Variants in ORC3 observed in about 807,000 individuals in gnomAD.
ORC3 encodes origin recognition complex subunit 3.
ORC3 carries 78 observed loss-of-function variants against 100.7 expected under a neutral mutation model. The observed-to-expected ratio is 0.77, with a 90% CI of 0.65 to 0.94. The LOEUF (loss-of-function observed/expected upper bound fraction) is 0.94, where lower values mean the gene tolerates loss of function less well. Ranked by LOEUF, ORC3 falls within the 40% of genes least tolerant of loss-of-function variation. The pLI, the probability that ORC3 is intolerant of heterozygous loss-of-function variation, is 0.00. For synonymous variants in ORC3, 295 were observed against 289.3 expected, an observed-to-expected ratio of 1.02 and a Z score of -0.20; for missense variants, 789 against 823.9, an observed-to-expected ratio of 0.96 and a Z score of 0.52.
chr6:87,659,342 G>A (rs1168306790), intron 16 of ORC3, among the ~76,000 whole-genome samples: 3 of 151,876 alleles, frequency 2.0e-5, no homozygotes, highest in Admixed American at 6.6e-5. Context: ...GATTACAGGC[G>A]TGAGCCACCG....
Position 87,656,964 on chromosome 6 carries a change from C to T in ORC3, c.1575C>T (p.Asp525=). ...AGCCAAAGGGGCTTCAGAAGACAGA[C>T]CTCTATCATCTTCAGAAGGTCAGGT... is the stretch of plus-strand genomic sequence containing the variant. ...GSQPKGLQKT[D]LYHLQKSLLE... is the part of the protein sequence containing the mutation. Residue 525 remains aspartate (D), a synonymous_variant, in exon 15 of 20, where the codon GAC becomes GAT. Coordinates refer to ENST00000392844, the MANE Select transcript of ORC3 (RefSeq NM_012381.4). The T allele has an allele frequency of 6.2e-7, 1 of 1,609,520 alleles. No homozygotes were observed. Among genetic ancestry groups the T allele is most frequent in the Non-Finnish European group, 8.5e-7 (1 of 1,175,892 alleles).
intron 2 of ORC3, among the ~76,000 whole-genome samples, chr6:87,596,997 G>A (rs888199753): frequency 3.3e-5 from 5 of 152,148 alleles, no homozygotes; most frequent in Non-Finnish European, 7.4e-5. Context: ...ATACAATCTA[G>A]TGACCTTATT....
chr6:87,635,604 C>G (rs1767755209), intron 12 of ORC3, among the ~76,000 whole-genome samples: 1 of 152,122 alleles, frequency 6.6e-6, no homozygotes, highest in Non-Finnish European at 1.5e-5. Flanking sequence ...CGAGAACAGC[C>G]TGGCCAACAT....
At chr6:87,670,222 G>C (rs1770804982), downstream of ORC3, among the ~76,000 whole-genome samples, 1 of 152,112 alleles carries the variant, frequency 6.6e-6, no homozygotes, top group African/African-American at 2.4e-5. Flanking sequence ...CCAGAGTGCA[G>C]TGACACGATT....
chr6:87,669,041 C>T (rs1770776243), downstream of ORC3, among the ~76,000 whole-genome samples: 1 of 152,148 alleles, frequency 6.6e-6, no homozygotes, highest in African/African-American at 2.4e-5. Context: ...CCTGTAATCC[C>T]AGCTACATGG....
intron 19 of ORC3, among the ~76,000 whole-genome samples, chr6:87,666,334 G>A (rs976590131): frequency 4.0e-5 from 6 of 151,318 alleles, no homozygotes; most frequent in African/African-American, 1.5e-4. Flanking sequence ...GTTTCACCAT[G>A]TTGGCCAGGC....
rs1779523519 is a variant in ORC3 at position 87,621,433 on chromosome 6, A to G, written c.1067A>G (p.Asn356Ser). ...CNLPEAKRRINFLSNNQCENI... is the reference protein window; with the variant it reads ...CNLPEAKRRISFLSNNQCENI... The stretch of plus-strand genomic sequence containing the variant: ...CTTCCAGAAGCCAAAAGAAGAATAA[A>G]TTTTTTATCAAATAATCAATGTGAA... Residue 356 changes from asparagine (N) to serine (S), a missense_variant, in exon 10 of 20, where the codon AAT becomes AGT. Asn to Ser is a conservative substitution (Grantham distance 46, BLOSUM62 1). Coordinates refer to ENST00000392844, the MANE Select transcript of ORC3 (RefSeq NM_012381.4). 6.2e-7 allele frequency: 1 copy of G among 1,602,928 alleles called. No individual in the cohort carries two copies. Among genetic ancestry groups the G allele is most frequent in the Non-Finnish European group, 8.5e-7 (1 of 1,175,228 alleles).
chr6:87,663,861 A>G, intron 17 of ORC3, among the ~76,000 whole-genome samples: 1 of 152,246 alleles, frequency 6.6e-6, no homozygotes, highest in East Asian at 1.9e-4. Flanking sequence ...TCTTGCCACA[A>G]TAAATACTTA....
chr6:87,676,596 A>AACACACGCACGCGCGCACAC, the ORC3 span, among the ~76,000 whole-genome samples: 226 of 142,144 alleles, frequency 1.6e-3, no homozygotes, highest in African/African-American at 5.8e-3. Context: ...CTCTACTAAA[A>AACACACGCACGCGCGCACAC]ACACACACAC....
intron 13 of ORC3, among the ~76,000 whole-genome samples, chr6:87,649,422 A>G (rs1769064519): frequency 6.6e-6 from 1 of 152,230 alleles, no homozygotes; most frequent in African/African-American, 2.4e-5. Flanking sequence ...TAGAACAATT[A>G]TTCCAGATAC....
intron 13 of ORC3, among the ~76,000 whole-genome samples, chr6:87,648,452 TGTG>T (rs1768977565): frequency 1.3e-5 from 2 of 152,226 alleles, no homozygotes; most frequent in African/African-American, 2.4e-5. Flanking sequence ...TTGTTTTTGT[TGTG>T]GTGGTTATTT....
At chr6:87,666,275 G>T (rs1366384238) in intron 19 of ORC3, among the ~76,000 whole-genome samples, 2 of 151,928 alleles carry the variant, frequency 1.3e-5, no homozygotes, top group African/African-American at 2.4e-5. Flanking sequence ...GGGATTACAG[G>T]TGCCTGCCAC....
chr6:87,634,715 T>G, intron 11 of ORC3, 130 bp from the exon 12 acceptor site: 1 of 600,236 alleles, frequency 1.7e-6, no homozygotes, highest in Non-Finnish European at 2.9e-6. Flanking sequence ...ATTTCAAATT[T>G]TCATGAATTA....
intron 13 of ORC3, chr6:87,651,465 TAGAA>T (rs1429407129): frequency 6.3e-6 from 2 of 316,702 alleles, no homozygotes; most frequent in East Asian, 7.6e-5. Context: ...ATCTGGGCAA[TAGAA>T]AGCCACAAAT....
At chr6:87,671,714 G>T (rs182858646), downstream of ORC3, among the ~76,000 whole-genome samples, 41 of 152,256 alleles carry the variant, frequency 2.7e-4, no homozygotes, top group Admixed American at 6.5e-4. Context: ...ACTGAAGAGT[G>T]CTTCAAGGTC....
intron 11 of ORC3, among the ~76,000 whole-genome samples, chr6:87,628,986 G>C (rs760545971): frequency 2.4e-4 from 36 of 152,188 alleles, no homozygotes; most frequent in Admixed American, 3.9e-4. Flanking sequence ...TTTGTCAAGT[G>C]CTTCTCTTGA....
chr6:87,675,954 A>C, the ORC3 span: 1 of 1,591,890 alleles, frequency 6.3e-7, no homozygotes, highest in South Asian at 1.1e-5. Flanking sequence ...GTACTTGTCA[A>C]TTACATTTGT....
intron 12 of ORC3, among the ~76,000 whole-genome samples, chr6:87,635,548 G>A (rs1436404393): frequency 6.6e-6 from 1 of 152,170 alleles, no homozygotes. Flanking sequence ...TGTAATCCCA[G>A]CACTTTGGGA....
intron 12 of ORC3, 39 bp downstream of exon 12, chr6:87,635,000 AATGTTAGTATTTTCT>A: frequency 9.8e-7 from 1 of 1,023,010 alleles, no homozygotes; most frequent in East Asian, 2.4e-5. Context: ...ATGAAGTAGG[AATGTTAGTATTTTCT>A]TGCTTTGGTT....
Sources: gnomAD v4.1 joint callset for allele counts (sites outside exome capture counted in the v4.1 genomes callset) on GRCh38, gnomAD v4.1.1 for gene constraint, MANE v1.5 for transcripts, NCBI Gene and HGNC (gene_info 2026-07-23, HGNC 2026-07-21) for gene names.